The following NFKBIZ variants were observed in gnomAD, a reference collection of about 807,000 sequenced individuals.
NFKBIZ encodes the protein NFKB inhibitor zeta.
A neutral mutation model predicts 76.8 loss-of-function variants in NFKBIZ; 19 were observed. That is an observed-to-expected ratio of 0.25 (90% CI 0.17 to 0.36). The LOEUF is 0.36. Ranked by LOEUF, NFKBIZ falls within the 10% of genes least tolerant of loss-of-function variation. The pLI is 1.00. For synonymous variants in NFKBIZ, 368 were observed against 354.8 expected (o/e 1.04, Z -0.42); for missense variants, 829 against 910.9 (o/e 0.91, Z 1.16).
At chr3:101,853,947 C>T (rs1943009012) in intron 5 of NFKBIZ, 84 bp downstream of exon 5, 1 of 1,325,428 alleles carries the variant, frequency 7.5e-7, no homozygotes, top group Non-Finnish European at 1.0e-6. Flanking sequence ...TAGGGTATAA[C>T]AAGGTATACC....
chr3:101,854,745 C>A, intron 6 of NFKBIZ, 62 bp downstream of exon 6: 2 of 1,137,328 alleles, frequency 1.8e-6, no homozygotes, highest in East Asian at 2.4e-5. Flanking sequence ...GAATGATGAC[C>A]AGCCTTATGT....
upstream of NFKBIZ, among the ~76,000 whole-genome samples, chr3:101,845,222 C>G (rs995255905): frequency 1.3e-5 from 2 of 150,538 alleles, no homozygotes; most frequent in Non-Finnish European, 3.0e-5. Context: ...GATCCAAGAT[C>G]GTGCCACTGC....
chr3:101,833,766 G>A (rs115776381), intron 2 of NFKBIZ, among the ~76,000 whole-genome samples: 1 of 152,146 alleles, frequency 6.6e-6, no homozygotes, highest in East Asian at 1.9e-4. Context: ...TTTACCTCTA[G>A]TATTGAACAG....
intron 5 of NFKBIZ, 77 bp from the exon 6 acceptor site, chr3:101,854,501 A>ATTT: frequency 2.9e-5 from 20 of 688,664 alleles, no homozygotes; most frequent in South Asian, 3.9e-5. Context: ...CTAAAGGAAG[A>ATTT]TTTTTTTTTT....
At chr3:101,848,424 C>G (rs1942884707), upstream of NFKBIZ, among the ~76,000 whole-genome samples, 1 of 152,172 alleles carries the variant, frequency 6.6e-6, no homozygotes, top group South Asian at 2.1e-4. Context: ...TAAATGCCAC[C>G]ACCCCTGCAA....
intron 2 of NFKBIZ, among the ~76,000 whole-genome samples, chr3:101,834,266 A>G (rs1277556149): frequency 6.6e-6 from 1 of 151,206 alleles, no homozygotes; most frequent in Non-Finnish European, 1.5e-5. Flanking sequence ...GTTACCTCTG[A>G]CCCTCATCTC....
chr3:101,840,937 G>T (rs2107401556), intron 2 of NFKBIZ, among the ~76,000 whole-genome samples: 1 of 152,332 alleles, frequency 6.6e-6, no homozygotes, highest in Admixed American at 6.5e-5. Flanking sequence ...GCAGAGAGAT[G>T]ACTCCGGGGA....
Position 101,852,242 on chromosome 3 carries a change from G to C in NFKBIZ, c.429+18G>C. ...ATTTTAAGGTGACATCTATTTTTCTGTTTTGAGTATAGAGTTGGGGAGAGG... is the reference window on the plus strand; with the variant it reads ...ATTTTAAGGTGACATCTATTTTTCTCTTTTGAGTATAGAGTTGGGGAGAGG... On this transcript the variant is annotated intron_variant, in intron 2 of 11. Coordinates refer to ENST00000326172, the MANE Select transcript of NFKBIZ (RefSeq NM_031419.4). 1 of 1,612,996 alleles carries C rather than the reference G, an allele frequency of 6.2e-7. No homozygotes were observed. The highest frequency in any genetic ancestry group is 8.5e-7 in the Non-Finnish European group (1 of 1,179,378).
chr3:101,856,097 C>G (rs1001920939), intron 9 of NFKBIZ, 195 bp downstream of exon 9: 94 of 395,828 alleles, frequency 2.4e-4, no homozygotes, highest in Non-Finnish European at 1.8e-4. Context: ...GTCGCCCAGG[C>G]TGGAATGCAG....
In NFKBIZ at chr3:101,857,427, C is replaced by T. The variant is rs147752301; in HGVS notation, c.2071C>T (p.His691Tyr). The T allele has an allele frequency of 2.5e-5, 40 of 1,614,180 alleles. No homozygotes were observed. In the East Asian group the frequency reaches 8.9e-4, roughly 36 times the overall value. The stretch of plus-strand genomic sequence containing the variant: ...GAACTTGGAGAACGAACAGCCAGTG[C>T]ATTTGGTTCCCGATGGCCCTGTGGG... ...TRNLENEQPV[H>Y]LVPDGPVGEQ... Residue 691 changes from histidine (H) to tyrosine (Y), a missense_variant, in exon 11 of 12, where the codon CAT becomes TAT. Physicochemically the swap from His to Tyr is moderately conservative, Grantham distance 83. Transcript: ENST00000326172.
chr3:101,850,231 T>G (rs1047014654), intron 1 of NFKBIZ: 1 of 304,858 alleles, frequency 3.3e-6, no homozygotes, highest in Non-Finnish European at 6.0e-6. Flanking sequence ...TGTTGAGTCA[T>G]AATTAATAAA....
chr3:101,850,240 A>C, intron 1 of NFKBIZ: 2 of 270,830 alleles, frequency 7.4e-6, no homozygotes, highest in East Asian at 1.3e-4. Context: ...ATAATTAATA[A>C]ACTATGATGA....
Position 101,854,703 on chromosome 3 carries a change from CTGAAA to C in NFKBIZ, c.1443+23_1443+27del, listed in dbSNP as rs549410320. ...GGACAGGTGAGGACCTTGACAGAGT[CTGAAA>C]TGGCAAAGAGGGGGTCATGGTGAAG... is the stretch of plus-strand genomic sequence containing the variant. On this transcript the variant is annotated intron_variant, in intron 6 of 11. Transcript: ENST00000326172. The C allele has an allele frequency of 9.0e-5, 140 of 1,557,602 alleles. 3 individuals are homozygous for C. The South Asian group carries it at 1.3e-3, about 15-fold the overall frequency.
rs965557384 is a variant in NFKBIZ at position 101,849,704 on chromosome 3, A to T, written c.76A>T (p.Met26Leu). The T allele has an allele frequency of 6.3e-6, 9 of 1,419,274 alleles. No individual in the cohort carries two copies. Among genetic ancestry groups the T allele is most frequent in the Non-Finnish European group, 7.3e-6 (8 of 1,093,534 alleles). 87.9% of individuals were successfully genotyped at this position (1,419,274 alleles called of 1,614,324 possible). A position where few individuals can be genotyped will look rare whatever the true frequency, so the allele number is the denominator to read the frequency against. The change falls in exon 1 of 12, where the codon ATG (methionine) becomes TTG (leucine). Residue 26 changes from methionine (M) to leucine (L), a missense_variant. By Grantham distance (15) the Met-to-Leu change is conservative (BLOSUM62 2). This residue lies in a region of NFKBIZ where 181 missense variants were observed against 175.3 expected (regional missense o/e 1.03). Coordinates refer to ENST00000326172, the MANE Select transcript of NFKBIZ (RefSeq NM_031419.4). ...GGACGCGGCGGGCGGCTGCGGCCTC[A>T]TGACCAGCCCGCTCAACCTGAGCTA... ...LRDAAGGCGL[M>L]TSPLNLSYFY... is the part of the protein sequence containing the mutation.
chr3:101,849,490 C>G (rs918568913), upstream of NFKBIZ: 2 of 704,238 alleles, frequency 2.8e-6, no homozygotes, highest in Non-Finnish European at 4.0e-6. Flanking sequence ...CCGTTAAATA[C>G]CCTGGCAGTC....
upstream of NFKBIZ, chr3:101,849,481 C>T (rs1037132332): frequency 3.2e-6 from 2 of 624,952 alleles, no homozygotes; most frequent in African/African-American, 3.8e-5. Flanking sequence ...CGCTGCGGCC[C>T]GTTAAATACC....
intron 11 of NFKBIZ, among the ~76,000 whole-genome samples, chr3:101,858,958 A>T (rs1943095161): frequency 6.6e-6 from 1 of 152,194 alleles, no homozygotes; most frequent in Admixed American, 6.5e-5. Context: ...GAGATATTAT[A>T]ATATGCCTTA....
chr3:101,849,329 C>CGGGCGGGGCGA, upstream of NFKBIZ: 1 of 267,372 alleles, frequency 3.7e-6, no homozygotes, highest in Non-Finnish European at 7.0e-6. Context: ...CGGAGCCGGG[C>CGGGCGGGGCGA]GGGCGGGGCG....
intron 1 of NFKBIZ, among the ~76,000 whole-genome samples, chr3:101,829,206 T>C (rs1314156237): frequency 2.0e-5 from 3 of 152,098 alleles, no homozygotes; most frequent in Admixed American, 1.3e-4. Context: ...AAAGACACAG[T>C]TGGGCAGGGT....
Sources: allele counts gnomAD v4.1 joint callset (sites outside exome capture counted in the v4.1 genomes callset), GRCh38; gene constraint gnomAD v4.1.1; regional missense constraint gnomAD v4.1.1; transcripts MANE v1.5; gene names NCBI Gene and HGNC (gene_info 2026-07-23, HGNC 2026-07-21).